The following NMNAT3 variants were observed in gnomAD, a reference collection of about 807,000 sequenced individuals.
NMNAT3 encodes the protein nicotinamide nucleotide adenylyltransferase 3.
A neutral mutation model predicts 24.8 loss-of-function variants in NMNAT3; 21 were observed. The observed-to-expected ratio is 0.85, with a 90% CI of 0.60 to 1.22. NMNAT3 has a LOEUF of 1.22. Among genes scored for constraint, NMNAT3 ranks in the 50% most tolerant of loss-of-function variants. NMNAT3 has a pLI of 0.00. For synonymous variants in NMNAT3, 136 were observed against 155.2 expected (o/e 0.88, Z 0.92); for missense variants, 387 against 436.6 (o/e 0.89, Z 1.01).
intron 3 of NMNAT3, among the ~76,000 whole-genome samples, chr3:139,588,099 C>T (rs2054014686): frequency 6.6e-6 from 1 of 152,100 alleles, no homozygotes; most frequent in African/African-American, 2.4e-5. Context: ...GTCATAAGTC[C>T]AAGCCTTTTC....
intron 6 of NMNAT3, chr3:139,569,173 T>G (rs1329835287): frequency 3.3e-5 from 2 of 61,076 alleles, no homozygotes; most frequent in African/African-American, 7.8e-5. Context: ...ACCCCTGCCT[T>G]TTTTTGTTTT....
chr3:139,652,531 G>A (rs1329307082), intron 1 of NMNAT3, among the ~76,000 whole-genome samples: 1 of 152,088 alleles, frequency 6.6e-6, no homozygotes, highest in East Asian at 1.9e-4. Flanking sequence ...TCTCTGCTGA[G>A]CTGTGTAGCA....
chr3:139,605,688 G>T (rs1315053715), intron 3 of NMNAT3, among the ~76,000 whole-genome samples: 6 of 152,022 alleles, frequency 3.9e-5, no homozygotes, highest in African/African-American at 7.2e-5. Context: ...GCTTGGATTT[G>T]AAAGCAGGCC....
chr3:139,641,202 A>G (rs1440962966), intron 1 of NMNAT3, among the ~76,000 whole-genome samples: 2 of 152,240 alleles, frequency 1.3e-5, no homozygotes, highest in East Asian at 1.9e-4. Context: ...CAAGTTATAC[A>G]CAAACCTCCA....
intron 1 of NMNAT3, among the ~76,000 whole-genome samples, chr3:139,659,280 G>A (rs1270548931): frequency 6.6e-6 from 1 of 152,158 alleles, no homozygotes; most frequent in East Asian, 1.9e-4. Context: ...GAGATCAGAG[G>A]TGCTCAAAGT....
At chr3:139,569,474 C>G (rs532758606) in intron 6 of NMNAT3, 32 of 152,318 alleles carry the variant, frequency 2.1e-4, no homozygotes, top group African/African-American at 7.2e-4. Flanking sequence ...TTTGCAGTGG[C>G]TGGTACCAGT....
At chr3:139,631,059 A>G (rs2056275456) in intron 2 of NMNAT3, among the ~76,000 whole-genome samples, 1 of 152,228 alleles carries the variant, frequency 6.6e-6, no homozygotes, top group Admixed American at 6.5e-5. Flanking sequence ...GAATGGTGGC[A>G]TCAACAGCAA....
chr3:139,621,775 A>G (rs549022208), intron 3 of NMNAT3, among the ~76,000 whole-genome samples: 1 of 152,278 alleles, frequency 6.6e-6, no homozygotes, highest in East Asian at 1.9e-4. Context: ...TCCGTTAACT[A>G]TCTTTCCACT....
chr3:139,576,825 G>A (rs1939378639), intron 5 of NMNAT3, among the ~76,000 whole-genome samples: 1 of 152,184 alleles, frequency 6.6e-6, no homozygotes, highest in Non-Finnish European at 1.5e-5. Flanking sequence ...GGGAGGCTGA[G>A]GTAGGTGGAT....
intron 1 of NMNAT3, among the ~76,000 whole-genome samples, chr3:139,676,024 C>T (rs571689309): frequency 3.3e-5 from 5 of 152,350 alleles, no homozygotes; most frequent in African/African-American, 1.2e-4. Context: ...AGCTTCCCTT[C>T]TCATGGGCTG....
chr3:139,627,538 G>C, intron 3 of NMNAT3, 78 bp downstream of exon 4: 1 of 725,886 alleles, frequency 1.4e-6, no homozygotes. Context: ...TTTAATAATA[G>C]TGATGCCAGC....
intron 3 of NMNAT3, among the ~76,000 whole-genome samples, chr3:139,607,728 G>A (rs1175213520): frequency 2.6e-5 from 4 of 152,108 alleles, no homozygotes; most frequent in Non-Finnish European, 5.9e-5. Context: ...ACTCAGAGAA[G>A]GGTCTCTCTG....
intron 3 of NMNAT3, among the ~76,000 whole-genome samples, chr3:139,594,705 C>A (rs1186708917): frequency 6.6e-6 from 1 of 152,096 alleles, no homozygotes; most frequent in African/African-American, 2.4e-5. Context: ...GAACCAAAGA[C>A]AAAAACCACA....
At position 139,599,510 on chromosome 3, in the gene NMNAT3, C is replaced by G. The variant is rs772813194; in HGVS notation, c.110-16302G>C. ...AACTGTCACAAGTGGTGTTAAGAATCAAGTAACAAAGAAGCTTGGGGTAAT... is the reference window on the plus strand; with the variant it reads ...AACTGTCACAAGTGGTGTTAAGAATGAAGTAACAAAGAAGCTTGGGGTAAT... On this transcript the variant is annotated intron_variant, in intron 3 of 6. Coordinates refer to ENST00000643695, the MANE Select transcript of NMNAT3 (RefSeq NM_001320510.2). The G allele has an allele frequency of 1.3e-4, 85 of 656,024 alleles. No individual in the cohort carries two copies. In the African/African-American group the frequency reaches 1.4e-3, roughly 11 times the overall value. 40.6% of individuals were successfully genotyped at this position (656,024 alleles called of 1,614,324 possible). A position where few individuals can be genotyped will look rare whatever the true frequency, so the allele number is the denominator to read the frequency against.
chr3:139,596,958 A>T (rs866441112), intron 3 of NMNAT3, among the ~76,000 whole-genome samples: 1,627 of 86,150 alleles, frequency 0.019, 97 homozygotes, highest in African/African-American at 0.07. Context: ...ATATATATAT[A>T]TATATATTTT....
chr3:139,591,138 G>A (rs868547561), intron 3 of NMNAT3, among the ~76,000 whole-genome samples: 7 of 151,156 alleles, frequency 4.6e-5, no homozygotes, highest in Non-Finnish European at 7.4e-5. Context: ...GAAGCAGGGC[G>A]AGGCATTGCC....
chr3:139,643,378 T>C (rs2056769679), intron 1 of NMNAT3, among the ~76,000 whole-genome samples: 1 of 152,036 alleles, frequency 6.6e-6, no homozygotes, highest in Admixed American at 6.6e-5. Flanking sequence ...CTCAAAAGAA[T>C]TAAAAACAGT....
At chr3:139,659,692 T>A (rs1430824508) in intron 1 of NMNAT3, among the ~76,000 whole-genome samples, 5 of 152,240 alleles carry the variant, frequency 3.3e-5, no homozygotes, top group Admixed American at 3.3e-4. Flanking sequence ...CAATCCTGGA[T>A]GCACATTAGA....
intron 3 of NMNAT3, among the ~76,000 whole-genome samples, chr3:139,595,850 TA>T (rs2054429669): frequency 6.6e-6 from 1 of 152,150 alleles, no homozygotes; most frequent in Admixed American, 6.5e-5. Context: ...GCTAAAACCA[TA>T]AAAACCCTAG....
Sources: allele counts gnomAD v4.1 joint callset (sites outside exome capture counted in the v4.1 genomes callset), GRCh38; gene constraint gnomAD v4.1.1; transcripts MANE v1.5; gene names NCBI Gene and HGNC (gene_info 2026-07-23, HGNC 2026-07-21).